The following TFCP2L1 variants were observed in gnomAD, a reference collection of about 807,000 sequenced individuals.
TFCP2L1 encodes transcription factor CP2-like protein 1.
Under a neutral mutation model 72.2 loss-of-function variants are expected in TFCP2L1, and 12 were observed. The ratio of observed to expected loss-of-function variants is 0.17; its 90% CI spans 0.11 to 0.27. The LOEUF (loss-of-function observed/expected upper bound fraction) is 0.27, where lower values mean the gene tolerates loss of function less well. TFCP2L1 is among the 10% of genes least tolerant of loss of function. The pLI is 1.00. For synonymous variants in TFCP2L1, 260 were observed against 251.0 expected, an observed-to-expected ratio of 1.04 and a Z score of -0.34; for missense variants, 488 against 624.6, an observed-to-expected ratio of 0.78 and a Z score of 2.33.
rs565152180 is a variant in TFCP2L1 at position 121,220,917 on chromosome 2, G to T, written c.*3424C>A. On this transcript the variant is annotated 3_prime_UTR_variant, in exon 15 of 15. Coordinates refer to ENST00000263707, the MANE Select transcript of TFCP2L1 (RefSeq NM_014553.3). ...AAGGTAAGAAGAGCAGATGCCAGGGGCATGCCAGAAAAATGGAAGACTCTA... is the reference window on the plus strand; with the variant it reads ...AAGGTAAGAAGAGCAGATGCCAGGGTCATGCCAGAAAAATGGAAGACTCTA... The T allele has an allele frequency of 1.3e-5, 2 of 152,118 alleles. No homozygotes were observed. The highest frequency in any genetic ancestry group is 6.5e-5 in the Admixed American group (1 of 15,272). 9.4% of individuals were successfully genotyped at this position (152,118 alleles called of 1,614,324 possible).
chr2:121,256,194 C>T (rs574622363), intron 2 of TFCP2L1, among the ~76,000 whole-genome samples: 2 of 152,244 alleles, frequency 1.3e-5, no homozygotes, highest in East Asian at 1.9e-4. Flanking sequence ...GTAACCATGC[C>T]GTGGCATAAA....
At chr2:121,237,571 G>A (rs1288207269) in intron 10 of TFCP2L1, 52 bp downstream of exon 10, 4 of 1,598,358 alleles carry the variant, frequency 2.5e-6, no homozygotes, top group East Asian at 4.5e-5. Context: ...GGCCAGCCTT[G>A]AAGTGTCTCC....
intron 2 of TFCP2L1, among the ~76,000 whole-genome samples, chr2:121,254,598 G>C (rs1224635020): frequency 6.6e-6 from 1 of 152,198 alleles, no homozygotes; most frequent in African/African-American, 2.4e-5. Context: ...AGGAGTTCGA[G>C]ACCAGCATGG....
rs760179978 is a variant in TFCP2L1, at chr2:121,225,777, CCA to C, written c.1342-166_1342-165del. 3.3e-3 allele frequency among the ~76,000 whole-genome samples: 500 copies of C among 151,634 alleles called. 15 individuals carry two copies. The highest frequency in any genetic ancestry group is 0.011 in the African/African-American group (447 of 41,132). Reference sequence around the variant, plus strand: ...GCGGTAAACACCACTGCCACGGTGCCCACACACACGGGAACACGGTAAACACC... The same window carrying C: ...GCGGTAAACACCACTGCCACGGTGCCCACACACGGGAACACGGTAAACACC... On this transcript the variant is annotated intron_variant, in intron 13 of 14. Transcript: ENST00000263707.
intron 2 of TFCP2L1, among the ~76,000 whole-genome samples, chr2:121,271,972 C>G (rs1310640560): frequency 1.3e-5 from 2 of 152,084 alleles, no homozygotes; most frequent in Admixed American, 6.5e-5. Context: ...CACTCCATTC[C>G]TTCCCCCCAC....
chr2:121,237,736 G>C lies in TFCP2L1; in HGVS notation c.910-20C>G. On this transcript the variant is annotated intron_variant, in intron 9 of 14. Coordinates refer to ENST00000263707, the MANE Select transcript of TFCP2L1 (RefSeq NM_014553.3). The stretch of plus-strand genomic sequence containing the variant: ...CAGGTGCTGTGAGCAGAGGGGAGAG[G>C]CCTTGAGATGGTGGCTCAGGGCCCA... 1.2e-6 allele frequency: 2 copies of C among 1,614,138 alleles called. No individual in the cohort carries two copies. The highest frequency in any genetic ancestry group is 1.7e-6 in the Non-Finnish European group (2 of 1,180,024).
At chr2:121,224,909 C>T (rs922726075) in intron 14 of TFCP2L1, among the ~76,000 whole-genome samples, 7 of 150,772 alleles carry the variant, frequency 4.6e-5, no homozygotes, top group Non-Finnish European at 8.8e-5. Context: ...GGTGTGAACC[C>T]GGGAGGCGGA....
intron 2 of TFCP2L1, among the ~76,000 whole-genome samples, chr2:121,255,729 C>T (rs1284440525): frequency 6.6e-6 from 1 of 151,638 alleles, no homozygotes; most frequent in Non-Finnish European, 1.5e-5. Flanking sequence ...GTATCTATTA[C>T]ATTTCCCCTG....
At chr2:121,242,629 C>T (rs1041715787) in intron 6 of TFCP2L1, among the ~76,000 whole-genome samples, 160 bp from the exon 7 acceptor site, 4 of 152,122 alleles carry the variant, frequency 2.6e-5, no homozygotes, top group Non-Finnish European at 5.9e-5. Context: ...TGAATGCTTC[C>T]CCACCTGAGG....
intron 2 of TFCP2L1, among the ~76,000 whole-genome samples, chr2:121,268,882 C>G (rs969026438): frequency 1.3e-5 from 2 of 150,726 alleles, no homozygotes; most frequent in African/African-American, 4.9e-5. Context: ...CATATTATTC[C>G]ACTATATCAA....
Position 121,224,458 on chromosome 2 carries a change from A to G in TFCP2L1, c.1394-71T>C, listed in dbSNP as rs1465466389. On this transcript the variant is annotated intron_variant, in intron 14 of 14. Coordinates refer to ENST00000263707, the MANE Select transcript of TFCP2L1 (RefSeq NM_014553.3). ...AGTGCCACAGTATTGGGGAGTCCCA[A>G]AAGGCACGCTGTTAGGGTATCAGCA... 5.3e-6 allele frequency: 8 copies of G among 1,522,008 alleles called. No individual in the cohort carries two copies. In the East Asian group the frequency reaches 1.8e-4, roughly 34 times the overall value. The allele number at this position is 1,522,008 out of a possible 1,614,324, so 94.3% of individuals were successfully genotyped here.
intron 13 of TFCP2L1, among the ~76,000 whole-genome samples, chr2:121,226,446 G>A (rs1244654846): frequency 6.6e-6 from 1 of 151,898 alleles, no homozygotes; most frequent in South Asian, 2.1e-4. Context: ...TATAACGGAT[G>A]CATTACAGGA....
chr2:121,243,964 C>A (rs916433800), intron 6 of TFCP2L1, among the ~76,000 whole-genome samples: 4 of 152,154 alleles, frequency 2.6e-5, no homozygotes, highest in Non-Finnish European at 5.9e-5. Context: ...GTTGGGGCCC[C>A]GCTGCCTTGG....
At chr2:121,264,512 G>T (rs1686890293) in intron 2 of TFCP2L1, among the ~76,000 whole-genome samples, 1 of 152,162 alleles carries the variant, frequency 6.6e-6, no homozygotes, top group African/African-American at 2.4e-5. Context: ...TCCCCTCCTG[G>T]GAGTGCAGAA....
intron 2 of TFCP2L1, among the ~76,000 whole-genome samples, chr2:121,255,292 A>G (rs1483089820): frequency 5.3e-5 from 8 of 152,244 alleles, no homozygotes; most frequent in African/African-American, 1.9e-4. Flanking sequence ...CGTTCTTAAC[A>G]ATGATCCAGG....
chr2:121,279,918 G>A (rs1207601900), intron 2 of TFCP2L1, among the ~76,000 whole-genome samples: 1 of 152,032 alleles, frequency 6.6e-6, no homozygotes, highest in African/African-American at 2.4e-5. Context: ...TCATGTCTGG[G>A]GCACACAAAC....
intron 6 of TFCP2L1, among the ~76,000 whole-genome samples, 176 bp from the exon 7 acceptor site, chr2:121,242,645 G>A (rs368514161): frequency 3.9e-4 from 60 of 152,208 alleles, no homozygotes; most frequent in South Asian, 2.3e-3. Flanking sequence ...TGAGGAACTC[G>A]GAACCTGCCA....
rs186240749 is a variant in TFCP2L1 at position 121,282,368 on chromosome 2, G to C, written c.63-1097C>G. The stretch of plus-strand genomic sequence containing the variant: ...AATGAAGTCATCATCCTGCGACTTA[G>C]GGAGGAACTTGTTTCTGGACGTATT... On this transcript the variant is annotated intron_variant, in intron 1 of 14. Coordinates refer to ENST00000263707, the MANE Select transcript of TFCP2L1 (RefSeq NM_014553.3). 2.2e-3 allele frequency among the ~76,000 whole-genome samples: 323 copies of C among 149,422 alleles called. 2 individuals are homozygous for C. Among genetic ancestry groups the C allele is most frequent in the African/African-American group, 6.6e-3 (267 of 40,636 alleles).
chr2:121,244,013 C>A (rs1686431385), intron 6 of TFCP2L1, among the ~76,000 whole-genome samples: 1 of 152,060 alleles, frequency 6.6e-6, no homozygotes, highest in Non-Finnish European at 1.5e-5. Flanking sequence ...TGGCAGAGGT[C>A]ACACAGGGAT....
Sources: allele counts gnomAD v4.1 joint callset (sites outside exome capture counted in the v4.1 genomes callset), GRCh38; gene constraint gnomAD v4.1.1; transcripts MANE v1.5; gene names NCBI Gene and HGNC (gene_info 2026-07-23, HGNC 2026-07-21).